The following CHD7 variants were observed in gnomAD, a reference collection of about 807,000 sequenced individuals.
The protein encoded by CHD7 is chromodomain helicase DNA binding protein 7.
Under a neutral mutation model 307.3 loss-of-function variants are expected in CHD7, and 24 were observed. The observed-to-expected ratio is 0.08, with a 90% CI of 0.06 to 0.11. The LOEUF is 0.11. CHD7 is among the 10% of genes least tolerant of loss of function. The pLI is 1.00. For synonymous variants in CHD7, 1,363 were observed against 1,349.9 expected (o/e 1.01, Z -0.21); for missense variants, 3,106 against 3,727.1 (o/e 0.83, Z 4.34).
intron 1 of CHD7, among the ~76,000 whole-genome samples, chr8:60,740,844 C>CG (rs1808963241): frequency 1.3e-5 from 2 of 152,310 alleles, no homozygotes; most frequent in South Asian, 4.1e-4. Context: ...AGGTTAAGGG[C>CG]GGGCTGTTGG....
intron 15 of CHD7, among the ~76,000 whole-genome samples, chr8:60,832,535 C>G (rs150156384): frequency 6.6e-6 from 1 of 152,092 alleles, no homozygotes; most frequent in Non-Finnish European, 1.5e-5. Flanking sequence ...TGTGCATGCA[C>G]TGTGCACATA....
Position 60,781,071 on chromosome 8 carries a change from G to C in CHD7, c.1737G>C (p.Gln579His), listed in dbSNP as rs747922099. Residue 579 changes from glutamine (Q) to histidine (H), a missense_variant, in exon 3 of 38, where the codon CAG becomes CAC. Coordinates refer to ENST00000423902, the MANE Select transcript of CHD7 (RefSeq NM_017780.4). ...CTCAGGTTAGTGGACCGAATGCTCA[G>C]CTAGTGAAGAGTGATGATTACCTGC... Reference protein sequence around the residue: ...DMTQVSGPNAQLVKSDDYLPS... With the variant: ...DMTQVSGPNAHLVKSDDYLPS... 3 of 1,610,896 alleles carry C rather than the reference G, an allele frequency of 1.9e-6. No homozygotes were observed.
chr8:60,743,023 C>T lies in CHD7; in HGVS notation c.1591C>T (p.His531Tyr). Reference sequence around the variant, plus strand: ...CTTGCACCACCAGTCTTCACCTCCACACCCTCATCACCAGCCTTGGGCACA... The same window carrying T: ...CTTGCACCACCAGTCTTCACCTCCATACCCTCATCACCAGCCTTGGGCACA... ...PGLHHQSSPP[H>Y]PHHQPWAQLH... Residue 531 changes from histidine (H) to tyrosine (Y), a missense_variant, in exon 2 of 38, where the codon CAC becomes TAC. Coordinates refer to ENST00000423902, the MANE Select transcript of CHD7 (RefSeq NM_017780.4). 6.2e-7 allele frequency: 1 copy of T among 1,614,000 alleles called. No homozygotes were observed. The highest frequency in any genetic ancestry group is 8.5e-7 in the Non-Finnish European group (1 of 1,179,880).
intron 3 of CHD7, among the ~76,000 whole-genome samples, chr8:60,788,433 A>G (rs1336356224): frequency 6.6e-6 from 1 of 152,096 alleles, no homozygotes; most frequent in Admixed American, 6.6e-5. Context: ...GAGCCAATGT[A>G]CCCAGCTGGT....
chr8:60,714,816 G>C (rs949735794), intron 1 of CHD7, among the ~76,000 whole-genome samples: 1 of 152,198 alleles, frequency 6.6e-6, no homozygotes, highest in African/African-American at 2.4e-5. Flanking sequence ...CAGCCCACTT[G>C]TAATTCTGTG....
At chr8:60,748,409 T>A (rs865804842) in intron 2 of CHD7, among the ~76,000 whole-genome samples, 3 of 152,184 alleles carry the variant, frequency 2.0e-5, no homozygotes, top group Non-Finnish European at 4.4e-5. Flanking sequence ...GAAAGCTGCA[T>A]GGTCCTGGGC....
At chr8:60,715,326 C>CTTTTTT (rs11376102) in intron 1 of CHD7, among the ~76,000 whole-genome samples, 1 of 125,902 alleles carries the variant, frequency 7.9e-6, no homozygotes, top group Non-Finnish European at 1.7e-5. Context: ...AGGGCTCTGC[C>CTTTTTT]TTTTTTTTTT....
At position 60,836,173 on chromosome 8, in the gene CHD7, G is replaced by A. The variant is rs1804734346; in HGVS notation, c.3879G>A (p.Val1293=). The A allele has an allele frequency of 1.9e-6, 3 of 1,613,750 alleles. No homozygotes were observed. The highest frequency in any genetic ancestry group is 2.5e-6 in the Non-Finnish European group (3 of 1,179,874). Residue 1293 remains valine (V), a synonymous_variant, in exon 16 of 38, where the codon GTG becomes GTA. Transcript: ENST00000423902. ...TGATCCAGGCTGCTGGCAAGCTAGT[G>A]CTGATTGACAAGCTGCTGCCAAAAC... ...QAMIQAAGKL[V]LIDKLLPKLK...
At chr8:60,717,959 AT>A (rs1554577186) in intron 1 of CHD7, among the ~76,000 whole-genome samples, 4 of 105,468 alleles carry the variant, frequency 3.8e-5, no homozygotes, top group African/African-American at 9.9e-5. Flanking sequence ...CCCTTCTACC[AT>A]TTTTTTTTAA....
At position 60,841,907 on chromosome 8, in the gene CHD7, A is replaced by G. The variant is rs1214381598; in HGVS notation, c.4705A>G (p.Lys1569Glu). The change falls in exon 21 of 38, where the codon AAG becomes GAG. Residue 1569 changes from lysine (K) to glutamate (E), a missense_variant. Transcript: ENST00000423902. ...GCAGACCAGGCTCTACAGTGCAGTG[A>G]AGGAAGATGAGCTGATGGAGTTCTC... ...RKQTRLYSAVKEDELMEFSDL... is the reference protein window; with the variant it reads ...RKQTRLYSAVEEDELMEFSDL... 6.2e-7 allele frequency: 1 copy of G among 1,611,372 alleles called. No homozygotes were observed. Among genetic ancestry groups the G allele is most frequent in the Admixed American group, 1.7e-5 (1 of 59,640 alleles).
At chr8:60,827,795 C>T (rs1380774667) in intron 13 of CHD7, among the ~76,000 whole-genome samples, 1 of 151,758 alleles carries the variant, frequency 6.6e-6, no homozygotes, top group Non-Finnish European at 1.5e-5. Flanking sequence ...TGCTTGGCAA[C>T]CGAGACTTGT....
chr8:60,728,814 GTTTA>G lies in CHD7; in HGVS notation c.-174-12437_-174-12434del, dbSNP rs774235660. ...ATTCTTTCAAAATTAAGATAACAAAGTTTATTTATTTTAACTTGTAGGTTTGGGG... is the reference window on the plus strand; with the variant it reads ...ATTCTTTCAAAATTAAGATAACAAAGTTTATTTTAACTTGTAGGTTTGGGG... On this transcript the variant is annotated intron_variant, in intron 1 of 37. Transcript: ENST00000423902. Among the ~76,000 whole-genome samples the G allele has an allele frequency of 1.2e-4, 19 of 152,230 alleles. No homozygotes were observed. In the East Asian group the frequency reaches 2.7e-3, roughly 22 times the overall value.
intron 1 of CHD7, among the ~76,000 whole-genome samples, chr8:60,709,014 C>T (rs1246402272): frequency 6.6e-6 from 1 of 152,160 alleles, no homozygotes; most frequent in Non-Finnish European, 1.5e-5. Flanking sequence ...ACTCATTGCT[C>T]TGTTTCTCCT....
intron 1 of CHD7, among the ~76,000 whole-genome samples, chr8:60,703,131 ACTCT>A (rs1317442908): frequency 1.3e-5 from 2 of 151,978 alleles, no homozygotes; most frequent in East Asian, 3.9e-4. Flanking sequence ...AATGTACGTC[ACTCT>A]CTCTTTCTCC....
chr8:60,790,672 A>G (rs914995921), intron 3 of CHD7, among the ~76,000 whole-genome samples: 11 of 152,178 alleles, frequency 7.2e-5, no homozygotes, highest in African/African-American at 2.4e-4. Context: ...TAACAATTAT[A>G]AGTAACCTAC....
Position 60,858,375 on chromosome 8 carries a change from C to T in CHD7, c.7608+1487C>T, listed in dbSNP as rs116460577. On this transcript the variant is annotated intron_variant, in intron 34 of 37. Transcript: ENST00000423902. ...CTGTAAAAGTACACTTTGTAATGGACTAGCTGTGACTTACATGTTTTCTGT... is the reference window on the plus strand; with the variant it reads ...CTGTAAAAGTACACTTTGTAATGGATTAGCTGTGACTTACATGTTTTCTGT... 2.8e-3 allele frequency among the ~76,000 whole-genome samples: 419 copies of T among 152,306 alleles called. 2 individuals are homozygous for T. Among genetic ancestry groups the T allele is most frequent in the African/African-American group, 9.3e-3 (387 of 41,566 alleles).
intron 15 of CHD7, among the ~76,000 whole-genome samples, chr8:60,834,429 G>C (rs1431046131): frequency 6.6e-6 from 1 of 152,190 alleles, no homozygotes; most frequent in Non-Finnish European, 1.5e-5. Flanking sequence ...AATGTAACGT[G>C]CACTTAAATC....
intron 2 of CHD7, among the ~76,000 whole-genome samples, chr8:60,749,255 C>T (rs2150592688): frequency 6.7e-6 from 1 of 150,130 alleles, no homozygotes; most frequent in South Asian, 2.1e-4. Context: ...CCTGAAATCC[C>T]AGCTACTTGG....
chr8:60,725,070 A>C (rs1467983139), intron 1 of CHD7, among the ~76,000 whole-genome samples: 1 of 152,144 alleles, frequency 6.6e-6, no homozygotes, highest in Non-Finnish European at 1.5e-5. Context: ...GCATTCATGT[A>C]CCTCCTTTAT....
Sources: gnomAD v4.1 joint callset for allele counts (sites outside exome capture counted in the v4.1 genomes callset) on GRCh38, gnomAD v4.1.1 for gene constraint, MANE v1.5 for transcripts, NCBI Gene and HGNC (gene_info 2026-07-23, HGNC 2026-07-21) for gene names.